FTO: variants seen among roughly 807,000 people sequenced by gnomAD.
FTO encodes the protein alpha-ketoglutarate-dependent dioxygenase FTO.
FTO carries 47 observed loss-of-function variants against 63.9 expected under a neutral mutation model. The ratio of observed to expected loss-of-function variants is 0.74; its 90% CI spans 0.58 to 0.94. The LOEUF (loss-of-function observed/expected upper bound fraction) is 0.94. FTO is among the 40% of genes least tolerant of loss of function. The pLI, the probability that FTO is intolerant of heterozygous loss-of-function variation, is 0.00. For synonymous variants in FTO, 207 were observed against 224.4 expected, an observed-to-expected ratio of 0.92 and a Z score of 0.69; for missense variants, 562 against 618.1, an observed-to-expected ratio of 0.91 and a Z score of 0.96.
At chr16:53,935,992 C>T (rs559802582) in intron 8 of FTO, 1 of 152,264 alleles carries the variant, frequency 6.6e-6, no homozygotes, top group East Asian at 1.9e-4. Context: ...GACCGTGTGG[C>T]CCAGTGAGAG....
At chr16:54,103,832 G>C (rs1477163685) in intron 8 of FTO, among the ~76,000 whole-genome samples, 1 of 152,104 alleles carries the variant, frequency 6.6e-6, no homozygotes, top group Non-Finnish European at 1.5e-5. Flanking sequence ...TTATAAACTA[G>C]ACTGCAAATT....
At chr16:53,776,685 A>G (rs1308977686) in intron 1 of FTO, among the ~76,000 whole-genome samples, 1 of 152,226 alleles carries the variant, frequency 6.6e-6, no homozygotes, top group African/African-American at 2.4e-5. Flanking sequence ...AATGTAAAAA[A>G]TTAGCAAGAA....
intron 8 of FTO, among the ~76,000 whole-genome samples, chr16:53,959,203 A>G (rs2083007560): frequency 6.6e-6 from 1 of 152,132 alleles, no homozygotes; most frequent in Non-Finnish European, 1.5e-5. Context: ...GCTGGGAGGC[A>G]GGGGAGCTGG....
chr16:53,969,148 G>GT (rs1567482808), intron 8 of FTO, among the ~76,000 whole-genome samples: 1 of 152,152 alleles, frequency 6.6e-6, no homozygotes, highest in Non-Finnish European at 1.5e-5. Flanking sequence ...AAAATTGTGT[G>GT]TTTTTCTGGG....
chr16:53,736,557 G>T (rs562564419), intron 1 of FTO, among the ~76,000 whole-genome samples: 1 of 152,156 alleles, frequency 6.6e-6, no homozygotes, highest in Admixed American at 6.5e-5. Flanking sequence ...AGTTTAGGGT[G>T]TCTCAAAATA....
At chr16:53,849,930 CT>C in intron 4 of FTO, among the ~76,000 whole-genome samples, 1 of 152,294 alleles carries the variant, frequency 6.6e-6, no homozygotes, top group South Asian at 2.1e-4. Context: ...AAGGAAAAAG[CT>C]TTTGTTATTT....
At chr16:54,088,741 G>A (rs570783268) in intron 8 of FTO, among the ~76,000 whole-genome samples, 1 of 152,176 alleles carries the variant, frequency 6.6e-6, no homozygotes, top group Non-Finnish European at 1.5e-5. Context: ...CAAGTTTCTT[G>A]TTACACAAAT....
chr16:54,110,463 T>C (rs2086858550), intron 8 of FTO, among the ~76,000 whole-genome samples: 1 of 152,302 alleles, frequency 6.6e-6, no homozygotes, highest in African/African-American at 2.4e-5. Flanking sequence ...TATTAGAATG[T>C]TATGTGTAAT....
At chr16:53,857,470 C>A (rs35923278) in intron 4 of FTO, among the ~76,000 whole-genome samples, 4,678 of 149,060 alleles carry the variant, frequency 0.031, 185 homozygotes, top group East Asian at 0.12. Flanking sequence ...CTCTCTCTTT[C>A]TATATATATA....
chr16:53,962,244 A>C (rs1215061704), intron 8 of FTO, among the ~76,000 whole-genome samples: 1 of 152,170 alleles, frequency 6.6e-6, no homozygotes, highest in Non-Finnish European at 1.5e-5. Context: ...AAGGCTCCAG[A>C]CAGGACCCAG....
At position 53,714,729 on chromosome 16, in the gene FTO, A is replaced by T. The variant is rs76955997; in HGVS notation, c.45+10500A>T. ...TGGCTGGTAACACTATTAATGAGAC[A>T]ATAATTGGGAAATAGTAGTCATTGT... On this transcript the variant is annotated intron_variant, in intron 1 of 8. Transcript: ENST00000471389. 1.2e-4 allele frequency among the ~76,000 whole-genome samples: 18 copies of T among 152,304 alleles called. No individual in the cohort carries two copies. In the South Asian group the frequency reaches 1.9e-3, roughly 16 times the overall value.
chr16:53,754,536 G>A (rs2076874545), intron 1 of FTO, among the ~76,000 whole-genome samples: 1 of 152,164 alleles, frequency 6.6e-6, no homozygotes, highest in Non-Finnish European at 1.5e-5. Context: ...TATTCGGGAG[G>A]CTGAGTCAGG....
At chr16:53,869,246 G>C (rs543199742) in intron 4 of FTO, among the ~76,000 whole-genome samples, 2 of 151,568 alleles carry the variant, frequency 1.3e-5, no homozygotes, top group Non-Finnish European at 2.9e-5. Context: ...TGCTTGCCTC[G>C]TTTCTGAGGA....
chr16:53,966,167 G>A (rs1199477179), intron 8 of FTO, among the ~76,000 whole-genome samples: 2 of 152,106 alleles, frequency 1.3e-5, no homozygotes, highest in African/African-American at 4.8e-5. Context: ...CATGGCAGCT[G>A]TAATTTTGAA....
chr16:53,934,889 T>C (rs1264160912), intron 8 of FTO, among the ~76,000 whole-genome samples: 1 of 152,192 alleles, frequency 6.6e-6, no homozygotes, highest in Admixed American at 6.5e-5. Context: ...ATTTTTAGGG[T>C]TGACCAACTA....
chr16:53,850,429 G>A (rs1348756282), intron 4 of FTO, among the ~76,000 whole-genome samples: 1 of 151,568 alleles, frequency 6.6e-6, no homozygotes, highest in Non-Finnish European at 1.5e-5. Flanking sequence ...TCAAGCTTGT[G>A]CTTTTTTACT....
chr16:54,106,488 A>G (rs2144615180), intron 8 of FTO, among the ~76,000 whole-genome samples: 1 of 145,686 alleles, frequency 6.9e-6, no homozygotes, highest in East Asian at 2.0e-4. Flanking sequence ...AATATGTAAT[A>G]TAGTATATAT....
intron 7 of FTO, among the ~76,000 whole-genome samples, chr16:53,921,136 A>G (rs2081997745): frequency 6.6e-6 from 1 of 152,232 alleles, no homozygotes. Flanking sequence ...TGCATTCACA[A>G]TGTTTCCAAA....
At chr16:54,039,858 T>C (rs2075584677) in intron 8 of FTO, 1 of 152,234 alleles carries the variant, frequency 6.6e-6, no homozygotes, top group African/African-American at 2.4e-5. Flanking sequence ...ATTTGTTCTC[T>C]ATATTAGATT....
Sources: allele counts gnomAD v4.1 joint callset (sites outside exome capture counted in the v4.1 genomes callset), GRCh38; gene constraint gnomAD v4.1.1; transcripts MANE v1.5; gene names NCBI Gene and HGNC (gene_info 2026-07-23, HGNC 2026-07-21).